Variants in NCAM1 observed in about 807,000 individuals in gnomAD.
NCAM1 encodes neural cell adhesion molecule 1.
A neutral mutation model predicts 109.8 loss-of-function variants in NCAM1; 14 were observed. The observed-to-expected ratio is 0.13, with a 90% confidence interval of 0.08 to 0.20. NCAM1 has a LOEUF of 0.20. Ranked by LOEUF, NCAM1 falls within the 10% of genes least tolerant of loss-of-function variation. The pLI is 1.00. For synonymous variants in NCAM1, 418 were observed against 442.9 expected (o/e 0.94, Z 0.70); for missense variants, 774 against 1,109.9 (o/e 0.70, Z 4.30).
intron 1 of NCAM1, among the ~76,000 whole-genome samples, chr11:113,146,647 G>A (rs919813943): frequency 6.6e-6 from 1 of 152,162 alleles, no homozygotes; most frequent in Non-Finnish European, 1.5e-5. Context: ...AATGGAATTT[G>A]CTTCTAGTGA....
intron 9 of NCAM1, among the ~76,000 whole-genome samples, chr11:113,230,670 C>T (rs1218987601): frequency 1.3e-5 from 2 of 152,196 alleles, no homozygotes; most frequent in African/African-American, 4.8e-5. Flanking sequence ...CAGAATATAA[C>T]CTCCTGTCCA....
At chr11:113,150,240 A>G (rs886286202) in intron 1 of NCAM1, among the ~76,000 whole-genome samples, 1 of 152,246 alleles carries the variant, frequency 6.6e-6, no homozygotes. Context: ...TAATTAATAT[A>G]TCAAGCAATG....
At chr11:113,056,378 T>A (rs1166820651) in intron 1 of NCAM1, among the ~76,000 whole-genome samples, 1 of 152,032 alleles carries the variant, frequency 6.6e-6, no homozygotes, top group African/African-American at 2.4e-5. Context: ...TCAAAATAGC[T>A]ATAAGAGATG....
chr11:113,259,921 C>G (rs1555122961), intron 16 of NCAM1, among the ~76,000 whole-genome samples: 1 of 152,012 alleles, frequency 6.6e-6, no homozygotes, highest in African/African-American at 2.4e-5. Context: ...CCAGGCTGGT[C>G]TTGAACTCCT....
rs71060290 is a variant in NCAM1 at position 113,132,604 on chromosome 11, A to ATGTGTGTG, written c.53-69735_53-69728dup. Among the ~76,000 whole-genome samples, 522 of 130,376 alleles carry ATGTGTGTG rather than the reference A, an allele frequency of 4.0e-3. 7 individuals are homozygous for ATGTGTGTG. The highest frequency in any genetic ancestry group is 0.014 in the African/African-American group (436 of 32,116). 85.5% of individuals were successfully genotyped at this position (130,376 alleles called of 152,430 possible). A position where few individuals can be genotyped will look rare whatever the true frequency, so the allele number is the denominator to read the frequency against. On this transcript the variant is annotated intron_variant, in intron 1 of 19. Coordinates refer to ENST00000316851, the MANE Select transcript of NCAM1 (RefSeq NM_181351.5). ...TGGGATCAGGCATATATTAGGAAGC[A>ATGTGTGTG]TGTGTGTGTGTGTGTGTGTGTGTGT...
intron 1 of NCAM1, among the ~76,000 whole-genome samples, chr11:113,159,763 A>T (rs1032769178): frequency 6.6e-6 from 1 of 151,826 alleles, no homozygotes; most frequent in Admixed American, 6.6e-5. Flanking sequence ...CGTGCAGGTT[A>T]GTTACATATG....
At chr11:113,131,713 C>T (rs140019423) in intron 1 of NCAM1, among the ~76,000 whole-genome samples, 2 of 152,288 alleles carry the variant, frequency 1.3e-5, no homozygotes, top group Admixed American at 6.5e-5. Context: ...TGTCTTCCCC[C>T]AGACGTCCCC....
chr11:113,155,545 G>A lies in NCAM1; in HGVS notation c.53-46834G>A, dbSNP rs547126901. 2.0e-5 allele frequency among the ~76,000 whole-genome samples: 3 copies of A among 151,830 alleles called. No individual in the cohort carries two copies. In the South Asian group the frequency reaches 6.2e-4, roughly 32 times the overall value. On this transcript the variant is annotated intron_variant, in intron 1 of 19. Coordinates refer to ENST00000316851, the MANE Select transcript of NCAM1 (RefSeq NM_181351.5). ...CAAAAAACAAAAAACAAAAAAAATA[G>A]TCTTAGAATGCCTCCTAGGTAAGGA...
intron 1 of NCAM1, among the ~76,000 whole-genome samples, chr11:113,078,727 G>C (rs1171390108): frequency 6.6e-6 from 1 of 152,116 alleles, no homozygotes; most frequent in African/African-American, 2.4e-5. Flanking sequence ...GACCCCAAAG[G>C]CTATGCGGTA....
At chr11:113,066,815 A>G (rs1302562594) in intron 1 of NCAM1, among the ~76,000 whole-genome samples, 4 of 151,912 alleles carry the variant, frequency 2.6e-5, no homozygotes, top group Non-Finnish European at 5.9e-5. Context: ...CCTGGCTAAC[A>G]CGGTGAAACC....
intron 1 of NCAM1, among the ~76,000 whole-genome samples, chr11:113,176,249 C>T (rs1342666459): frequency 7.9e-5 from 12 of 152,136 alleles, no homozygotes; most frequent in African/African-American, 2.9e-4. Context: ...CCTAGGGATG[C>T]ACAGAACAAG....
intron 1 of NCAM1, among the ~76,000 whole-genome samples, chr11:113,122,070 A>T (rs1555096201): frequency 6.6e-6 from 1 of 152,182 alleles, no homozygotes; most frequent in Non-Finnish European, 1.5e-5. Context: ...ATTTCAGTCT[A>T]TTCCAAGTGC....
chr11:112,961,950 C>T (rs2134404251), intron 1 of NCAM1, among the ~76,000 whole-genome samples: 1 of 152,206 alleles, frequency 6.6e-6, no homozygotes, highest in South Asian at 2.1e-4. Flanking sequence ...GCAGAGCCGG[C>T]CGGCTCCTGG....
At chr11:113,043,583 G>A (rs1464129635) in intron 1 of NCAM1, among the ~76,000 whole-genome samples, 9 of 152,142 alleles carry the variant, frequency 5.9e-5, no homozygotes, top group African/African-American at 1.9e-4. Flanking sequence ...TGATCTGCCC[G>A]TCTCGGCCTC....
rs969591030 is a variant in NCAM1 at position 112,972,081 on chromosome 11, A to C, written c.52+10417A>C. Among the ~76,000 whole-genome samples the C allele has an allele frequency of 2.1e-4, 32 of 152,158 alleles. 1 individual carries two copies. Among genetic ancestry groups the C allele is most frequent in the Non-Finnish European group, 1.5e-4 (10 of 68,020 alleles). On this transcript the variant is annotated intron_variant, in intron 1 of 19. Transcript: ENST00000316851. ...AGAGAGAAAGCTCTTTAAAGTTATAAGCTTGAGGGAATGAAATAAATATGC... is the reference window on the plus strand; with the variant it reads ...AGAGAGAAAGCTCTTTAAAGTTATACGCTTGAGGGAATGAAATAAATATGC...
chr11:113,263,115 G>A (rs1296550182), intron 17 of NCAM1: 9 of 1,302,900 alleles, frequency 6.9e-6, no homozygotes, highest in Non-Finnish European at 8.8e-6. Context: ...AGATACTTTT[G>A]TGCCACTTCA....
intron 1 of NCAM1, among the ~76,000 whole-genome samples, chr11:113,128,344 G>A (rs1307458033): frequency 1.3e-5 from 2 of 152,198 alleles, no homozygotes; most frequent in South Asian, 2.1e-4. Context: ...ATGTGAAAGG[G>A]GAATAAAAGT....
chr11:112,967,451 C>T (rs571301860), intron 1 of NCAM1, among the ~76,000 whole-genome samples: 6 of 152,266 alleles, frequency 3.9e-5, no homozygotes, highest in African/African-American at 9.6e-5. Flanking sequence ...GGTAGATAAC[C>T]CTGGGTTGAA....
rs539873576 is a variant in NCAM1 at position 113,008,171 on chromosome 11, C to T, written c.52+46507C>T. Among the ~76,000 whole-genome samples, 3 of 152,268 alleles carry T rather than the reference C, an allele frequency of 2.0e-5. No homozygotes were observed. The East Asian group carries it at 5.8e-4, about 29-fold the overall frequency. On this transcript the variant is annotated intron_variant, in intron 1 of 19. Transcript: ENST00000316851. ...TCATAGTCTTATTCCAGTATGGCCTCATCTCATGGATTATGAATATAAGTT... is the reference window on the plus strand; with the variant it reads ...TCATAGTCTTATTCCAGTATGGCCTTATCTCATGGATTATGAATATAAGTT...
Sources: allele counts gnomAD v4.1 joint callset (sites outside exome capture counted in the v4.1 genomes callset), GRCh38; gene constraint gnomAD v4.1.1; transcripts MANE v1.5; gene names NCBI Gene and HGNC (gene_info 2026-07-23, HGNC 2026-07-21).